Variants in FBP2 observed in about 807,000 individuals in gnomAD.
FBP2 encodes fructose-1,6-bisphosphatase isozyme 2.
Under a neutral mutation model 31.6 loss-of-function variants are expected in FBP2, and 27 were observed. The observed-to-expected ratio is 0.85, with a 90% CI of 0.63 to 1.18. The LOEUF (loss-of-function observed/expected upper bound fraction) is 1.18. Ranked by LOEUF, FBP2 falls within the 50% of genes most tolerant of loss-of-function variation. FBP2 has a pLI of 0.00. For missense variants in FBP2, 421 were observed against 436.1 expected (o/e 0.97, Z 0.31); for synonymous variants, 168 against 179.8 (o/e 0.93, Z 0.53).
intron 5 of FBP2, among the ~76,000 whole-genome samples, chr9:94,566,905 T>C (rs946895277): frequency 4.6e-5 from 7 of 152,176 alleles, no homozygotes; most frequent in African/African-American, 1.7e-4. Flanking sequence ...AGGCCTCTCA[T>C]ATAATTATTT....
chr9:94,561,352 A>ATTTTTTTTTTTTTTTTT lies in FBP2; in HGVS notation c.825+1973_825+1989dup, dbSNP rs1174386595. On this transcript the variant is annotated intron_variant, in intron 6 of 6. Coordinates refer to ENST00000375337, the MANE Select transcript of FBP2 (RefSeq NM_003837.4). ...GCAGGCCATGTGACATGTGACCTGTATTTTTTTTTTTTTTTTTTTTTTTTT... is the reference window on the plus strand; with the variant it reads ...GCAGGCCATGTGACATGTGACCTGTATTTTTTTTTTTTTTTTTTTTTTTTTTTTTTTTTTTTTTTTTT... 3.6e-5 allele frequency among the ~76,000 whole-genome samples: 2 copies of ATTTTTTTTTTTTTTTTT among 54,970 alleles called. 1 individual carries two copies. Among genetic ancestry groups the ATTTTTTTTTTTTTTTTT allele is most frequent in the Non-Finnish European group, 6.1e-5 (2 of 32,754 alleles). 36.1% of individuals were successfully genotyped at this position (54,970 alleles called of 152,430 possible). A position where few individuals can be genotyped will look rare whatever the true frequency, so the allele number is the denominator to read the frequency against.
chr9:94,593,429 A>T (rs1483031320), intron 1 of FBP2, 128 bp downstream of exon 1: 2 of 791,306 alleles, frequency 2.5e-6, no homozygotes, highest in Admixed American at 7.1e-5. Flanking sequence ...CTTGAAATGC[A>T]GCTTCCATCT....
At chr9:94,591,222 G>T (rs954294460) in intron 1 of FBP2, among the ~76,000 whole-genome samples, 1 of 152,262 alleles carries the variant, frequency 6.6e-6, no homozygotes, top group Admixed American at 6.5e-5. Context: ...GGCTCGGGCC[G>T]CACAGGAGCC....
In FBP2 at chr9:94,578,884, T is replaced by C. The variant is rs1166375446; in HGVS notation, c.426+5693A>G. 2.7e-5 allele frequency among the ~76,000 whole-genome samples: 4 copies of C among 150,276 alleles called. No individual in the cohort carries two copies. In the East Asian group the frequency reaches 7.9e-4, roughly 30 times the overall value. On this transcript the variant is annotated intron_variant, in intron 3 of 6. Transcript: ENST00000375337. ...CTGGCTAACACGGTGAAACCCAGTCTCTACTAAAAATACAAAAAATTAGCT... is the reference window on the plus strand; with the variant it reads ...CTGGCTAACACGGTGAAACCCAGTCCCTACTAAAAATACAAAAAATTAGCT...
At chr9:94,567,059 G>A (rs1433877413) in intron 5 of FBP2, among the ~76,000 whole-genome samples, 3 of 152,174 alleles carry the variant, frequency 2.0e-5, no homozygotes, top group South Asian at 2.1e-4. Context: ...AAACTCAAAT[G>A]TAAAGATAAG....
chr9:94,561,352 A>ACTTTTT lies in FBP2; in HGVS notation c.825+1989_825+1990insAAAAAG, dbSNP rs1827097696. 9.8e-4 allele frequency among the ~76,000 whole-genome samples: 54 copies of ACTTTTT among 54,994 alleles called. 2 individuals are homozygous for ACTTTTT. The highest frequency in any genetic ancestry group is 4.2e-3 in the African/African-American group (54 of 12,806). The allele number at this position is 54,994 out of a possible 152,430, so 36.1% of individuals were successfully genotyped here. A position where few individuals can be genotyped will look rare whatever the true frequency, so the allele number is the denominator to read the frequency against. Reference sequence around the variant, plus strand: ...GCAGGCCATGTGACATGTGACCTGTATTTTTTTTTTTTTTTTTTTTTTTTT... The same window carrying ACTTTTT: ...GCAGGCCATGTGACATGTGACCTGTACTTTTTTTTTTTTTTTTTTTTTTTTTTTTTT... On this transcript the variant is annotated intron_variant, in intron 6 of 6. Transcript: ENST00000375337.
chr9:94,563,590 G>A, intron 5 of FBP2, 129 bp from the exon 6 acceptor site: 1 of 998,186 alleles, frequency 1.0e-6, no homozygotes, highest in South Asian at 1.6e-5. Context: ...CACTAGTGTA[G>A]GAATTGAAAA....
chr9:94,579,226 G>A (rs554741106), intron 3 of FBP2, among the ~76,000 whole-genome samples: 18 of 148,676 alleles, frequency 1.2e-4, no homozygotes, highest in Non-Finnish European at 1.6e-4. Flanking sequence ...GTGAAACCCC[G>A]TCTCTACTAA....
At chr9:94,584,694 C>T (rs1471108825) in intron 2 of FBP2, 25 bp from the exon 3 acceptor site, 2 of 1,408,702 alleles carry the variant, frequency 1.4e-6, no homozygotes, top group Non-Finnish European at 2.0e-6. Context: ...AAAGCACCAA[C>T]TGATCAGCAC....
intron 1 of FBP2, among the ~76,000 whole-genome samples, chr9:94,590,599 T>G (rs554005433): frequency 6.6e-6 from 1 of 152,304 alleles, no homozygotes; most frequent in South Asian, 2.1e-4. Context: ...GTGGTCTCAC[T>G]GGGCTCAGAA....
intron 2 of FBP2, among the ~76,000 whole-genome samples, chr9:94,585,512 A>G (rs79273440): frequency 0.06 from 8,718 of 144,954 alleles, 382 homozygotes; most frequent in African/African-American, 0.1. Context: ...GAAAACCCAC[A>G]TAGGCTGGGG....
At chr9:94,591,409 G>C (rs1827501295) in intron 1 of FBP2, among the ~76,000 whole-genome samples, 1 of 152,228 alleles carries the variant, frequency 6.6e-6, no homozygotes, top group Non-Finnish European at 1.5e-5. Flanking sequence ...CCATTGCCGG[G>C]GGCCAGCAGG....
At chr9:94,571,953 T>C (rs1228657971) in intron 3 of FBP2, among the ~76,000 whole-genome samples, 5 of 152,168 alleles carry the variant, frequency 3.3e-5, no homozygotes, top group Non-Finnish European at 7.3e-5. Context: ...GAGCGTGCAG[T>C]GTCTCACTCT....
In FBP2 at chr9:94,575,188, A is replaced by G. The variant is rs553568707; in HGVS notation, c.427-3586T>C. On this transcript the variant is annotated intron_variant, in intron 3 of 6. Coordinates refer to ENST00000375337, the MANE Select transcript of FBP2 (RefSeq NM_003837.4). The stretch of plus-strand genomic sequence containing the variant: ...ATAATATACACTTATGTGTATTTAT[A>G]GAATATTTTACATAACATCCAGATC... Among the ~76,000 whole-genome samples the G allele has an allele frequency of 2.0e-5, 3 of 152,290 alleles. No homozygotes were observed. The South Asian group carries it at 6.2e-4, about 32-fold the overall frequency.
intron 1 of FBP2, among the ~76,000 whole-genome samples, chr9:94,593,345 T>G (rs1827522015): frequency 6.6e-6 from 1 of 152,236 alleles, no homozygotes; most frequent in Non-Finnish European, 1.5e-5. Flanking sequence ...ATATGTGTAT[T>G]TCTTCATAGC....
intron 3 of FBP2, among the ~76,000 whole-genome samples, chr9:94,581,250 G>A (rs971138124): frequency 6.6e-6 from 1 of 152,076 alleles, no homozygotes; most frequent in Non-Finnish European, 1.5e-5. Context: ...CATAGTAAGG[G>A]CCAGTCTTAT....
intron 6 of FBP2, among the ~76,000 whole-genome samples, chr9:94,560,534 C>T (rs1324183818): frequency 2.0e-5 from 3 of 152,072 alleles, no homozygotes; most frequent in African/African-American, 7.2e-5. Flanking sequence ...ACCTGTGTAA[C>T]TTCCCAAAAG....
intron 5 of FBP2, among the ~76,000 whole-genome samples, chr9:94,565,485 A>G (rs926622759): frequency 4.6e-5 from 7 of 152,152 alleles, no homozygotes; most frequent in Admixed American, 3.3e-4. Context: ...TGTGTTACAC[A>G]GGAACACAAT....
At chr9:94,588,537 C>G (rs936334297) in intron 1 of FBP2, among the ~76,000 whole-genome samples, 1 of 152,164 alleles carries the variant, frequency 6.6e-6, no homozygotes, top group East Asian at 1.9e-4. Context: ...ATGAAAGGAT[C>G]ATCTAAGCCT....
Sources: gnomAD v4.1 joint callset for allele counts (sites outside exome capture counted in the v4.1 genomes callset) on GRCh38, gnomAD v4.1.1 for gene constraint, MANE v1.5 for transcripts, NCBI Gene and HGNC (gene_info 2026-07-23, HGNC 2026-07-21) for gene names.